NYAP2: variants seen among roughly 807,000 people sequenced by gnomAD.
NYAP2 encodes the protein neuronal tyrosine-phosphorylated phosphoinositide-3-kinase adapter 2.
A neutral mutation model predicts 50.4 loss-of-function variants in NYAP2; 23 were observed. The ratio of observed to expected loss-of-function variants is 0.46; its 90% confidence interval spans 0.33 to 0.65. The LOEUF is 0.65. Ranked by LOEUF, NYAP2 falls within the 30% of genes least tolerant of loss-of-function variation. NYAP2 has a pLI of 0.02. For synonymous variants in NYAP2, 394 were observed against 365.2 expected, an observed-to-expected ratio of 1.08 and a Z score of -0.90; for missense variants, 885 against 861.0, an observed-to-expected ratio of 1.03 and a Z score of -0.35.
At chr2:225,595,603 T>G (rs909910379) in intron 5 of NYAP2, among the ~76,000 whole-genome samples, 1 of 152,232 alleles carries the variant, frequency 6.6e-6, no homozygotes, top group Non-Finnish European at 1.5e-5. Flanking sequence ...GTTTTAAACC[T>G]AAGAAATTAA....
At position 225,469,551 on chromosome 2, in the gene NYAP2, C is replaced by CT. The variant is rs550454900; in HGVS notation, c.222-43819dup. Reference sequence around the variant, plus strand: ...ATTCTACTATAAAGACACATGCATACTATGTTTATTGTGGCACTATTCACA... The same window carrying CT: ...ATTCTACTATAAAGACACATGCATACTTATGTTTATTGTGGCACTATTCACA... On this transcript the variant is annotated intron_variant, in intron 3 of 6. Transcript: ENST00000636099. 4.0e-3 allele frequency among the ~76,000 whole-genome samples: 604 copies of CT among 152,232 alleles called. 6 individuals are homozygous for CT. The highest frequency in any genetic ancestry group is 0.013 in the African/African-American group (522 of 41,534).
intron 5 of NYAP2, among the ~76,000 whole-genome samples, chr2:225,611,682 T>A (rs1032891551): frequency 6.6e-6 from 1 of 151,986 alleles, no homozygotes; most frequent in Non-Finnish European, 1.5e-5. Context: ...TCCATATGAG[T>A]TCATGTAATT....
At chr2:225,530,912 C>T (rs2106197131) in intron 4 of NYAP2, among the ~76,000 whole-genome samples, 1 of 152,302 alleles carries the variant, frequency 6.6e-6, no homozygotes, top group South Asian at 2.1e-4. Flanking sequence ...GTCTCTCCAC[C>T]TGTTTGCACT....
chr2:225,632,095 G>T (rs905221917), intron 6 of NYAP2, among the ~76,000 whole-genome samples: 3 of 152,128 alleles, frequency 2.0e-5, no homozygotes, highest in African/African-American at 7.2e-5. Context: ...TGCTGGGATT[G>T]CCCGGCCACC....
intron 3 of NYAP2, among the ~76,000 whole-genome samples, chr2:225,433,429 G>C (rs891181956): frequency 6.6e-6 from 1 of 151,678 alleles, no homozygotes; most frequent in Non-Finnish European, 1.5e-5. Flanking sequence ...CAAAATCCTG[G>C]CGTATGTATA....
the NYAP2 span, among the ~76,000 whole-genome samples, chr2:225,665,936 T>G: frequency 2.8e-5 from 4 of 142,170 alleles, no homozygotes; most frequent in Admixed American, 7.2e-5. Flanking sequence ...ACTCCCTCCC[T>G]CTCAGCTATT....
intron 3 of NYAP2, among the ~76,000 whole-genome samples, chr2:225,510,211 A>G (rs558948819): frequency 6.6e-6 from 1 of 152,286 alleles, no homozygotes; most frequent in South Asian, 2.1e-4. Context: ...CTGCAGGATA[A>G]CCTAATAAGA....
intron 3 of NYAP2, among the ~76,000 whole-genome samples, chr2:225,444,946 C>T (rs1166603664): frequency 6.6e-6 from 1 of 152,152 alleles, no homozygotes; most frequent in African/African-American, 2.4e-5. Flanking sequence ...TTTCCCTTAA[C>T]AGCACAAAAG....
intron 5 of NYAP2, among the ~76,000 whole-genome samples, chr2:225,586,171 T>C (rs1692386612): frequency 6.6e-6 from 1 of 152,208 alleles, no homozygotes; most frequent in African/African-American, 2.4e-5. Flanking sequence ...ATAAAATGTA[T>C]ACCTTAAACT....
At chr2:225,673,562 G>A in the NYAP2 span, among the ~76,000 whole-genome samples, 4 of 151,986 alleles carry the variant, frequency 2.6e-5, no homozygotes, top group Non-Finnish European at 4.4e-5. Context: ...CACAATCTTT[G>A]GATTATTGCT....
At chr2:225,605,090 G>C (rs181158499) in intron 5 of NYAP2, among the ~76,000 whole-genome samples, 11 of 152,066 alleles carry the variant, frequency 7.2e-5, no homozygotes, top group Non-Finnish European at 1.5e-4. Flanking sequence ...ATTCATGAAT[G>C]TATTTTCAGA....
At chr2:225,684,114 A>T in the NYAP2 span, among the ~76,000 whole-genome samples, 1 of 152,122 alleles carries the variant, frequency 6.6e-6, no homozygotes. Flanking sequence ...TTAAAAGGAG[A>T]TTTTATTTAG....
chr2:225,531,076 CA>C (rs1691246252), intron 4 of NYAP2, among the ~76,000 whole-genome samples: 1 of 152,228 alleles, frequency 6.6e-6, no homozygotes. Context: ...CCAATTATAG[CA>C]CCATTCTGCT....
At chr2:225,412,454 C>T (rs760913734) in intron 3 of NYAP2, among the ~76,000 whole-genome samples, 40 of 151,640 alleles carry the variant, frequency 2.6e-4, no homozygotes, top group Admixed American at 1.1e-3. Flanking sequence ...AGATGGAGCA[C>T]GGACTGCTCA....
chr2:225,548,725 C>A (rs1169131428), intron 4 of NYAP2, among the ~76,000 whole-genome samples: 1 of 152,100 alleles, frequency 6.6e-6, no homozygotes, highest in Non-Finnish European at 1.5e-5. Flanking sequence ...GAAAAAGGTT[C>A]TACATTGGGA....
At chr2:225,628,770 A>G (rs1693257540) in intron 6 of NYAP2, among the ~76,000 whole-genome samples, 1 of 152,214 alleles carries the variant, frequency 6.6e-6, no homozygotes, top group African/African-American at 2.4e-5. Context: ...AAATACGTGA[A>G]CAATATATAC....
chr2:225,599,848 A>G (rs956505334), intron 5 of NYAP2, among the ~76,000 whole-genome samples: 1 of 152,172 alleles, frequency 6.6e-6, no homozygotes, highest in African/African-American at 2.4e-5. Context: ...ATCAATAACT[A>G]CATAAACATT....
intron 4 of NYAP2, among the ~76,000 whole-genome samples, chr2:225,560,830 T>A (rs146653965): frequency 2.0e-3 from 300 of 152,268 alleles, no homozygotes; most frequent in African/African-American, 6.7e-3. Flanking sequence ...TAATTTTTAT[T>A]ATTTTAAAAT....
At chr2:225,643,299 T>G (rs1464694633) in intron 6 of NYAP2, among the ~76,000 whole-genome samples, 1 of 152,182 alleles carries the variant, frequency 6.6e-6, no homozygotes, top group African/African-American at 2.4e-5. Context: ...CCAAATCCCT[T>G]GAAATTTTGA....
Sources: allele counts gnomAD v4.1 joint callset (sites outside exome capture counted in the v4.1 genomes callset), GRCh38; gene constraint gnomAD v4.1.1; transcripts MANE v1.5; gene names NCBI Gene and HGNC (gene_info 2026-07-23, HGNC 2026-07-21).